The following SLC8A1 variants were observed in gnomAD, a reference collection of about 807,000 sequenced individuals.
The protein encoded by SLC8A1 is sodium/calcium exchanger 1.
A neutral mutation model predicts 68.3 loss-of-function variants in SLC8A1; 18 were observed. The ratio of observed to expected loss-of-function variants is 0.26; its 90% confidence interval spans 0.18 to 0.39. The LOEUF (loss-of-function observed/expected upper bound fraction) is 0.39. Among genes scored for constraint, SLC8A1 ranks in the 10% least tolerant of loss-of-function variants. The pLI, the probability that SLC8A1 is intolerant of heterozygous loss-of-function variation, is 1.00. For missense variants in SLC8A1, 985 were observed against 1,156.7 expected (o/e 0.85, Z 2.15); for synonymous variants, 475 against 415.5 (o/e 1.14, Z -1.74).
At chr2:40,175,369 G>A (rs1161255532) in intron 3 of SLC8A1, 88 bp from the exon 4 acceptor site, 42 of 1,358,726 alleles carry the variant, frequency 3.1e-5, no homozygotes, top group Non-Finnish European at 3.6e-5. Flanking sequence ...AAGAAATCCA[G>A]GCAGATCTGA....
intron 1 of SLC8A1, among the ~76,000 whole-genome samples, chr2:40,434,909 G>A (rs1030689825): frequency 1.3e-5 from 2 of 152,122 alleles, no homozygotes; most frequent in Non-Finnish European, 2.9e-5. Flanking sequence ...ACATCTACAA[G>A]AGATAGATCC....
chr2:40,320,284 T>C (rs2287051), intron 2 of SLC8A1, among the ~76,000 whole-genome samples: 38,995 of 152,036 alleles, frequency 0.26, 5,167 homozygotes, highest in East Asian at 0.38. Context: ...CATCCGATGT[T>C]TTCATTAAAA....
chr2:40,416,570 T>C (rs1559593683), intron 2 of SLC8A1, among the ~76,000 whole-genome samples: 1 of 152,158 alleles, frequency 6.6e-6, no homozygotes, highest in Non-Finnish European at 1.5e-5. Context: ...ATTTTTGAGA[T>C]GGAAGAAAAC....
chr2:40,349,455 C>T (rs1264903643), intron 2 of SLC8A1, among the ~76,000 whole-genome samples: 1 of 152,138 alleles, frequency 6.6e-6, no homozygotes, highest in East Asian at 1.9e-4. Flanking sequence ...TTCTAGTTAC[C>T]AGTGAAGTCA....
chr2:40,257,187 T>G (rs1368908094), intron 2 of SLC8A1, among the ~76,000 whole-genome samples: 1 of 152,178 alleles, frequency 6.6e-6, no homozygotes, highest in Non-Finnish European at 1.5e-5. Context: ...GAAAATCATT[T>G]TCAGATCTTA....
intron 2 of SLC8A1, among the ~76,000 whole-genome samples, chr2:40,418,033 C>T (rs1372106988): frequency 1.3e-5 from 2 of 151,906 alleles, no homozygotes; most frequent in Admixed American, 6.6e-5. Context: ...AAAACCAGGT[C>T]GATTTAAAAG....
intron 2 of SLC8A1, among the ~76,000 whole-genome samples, chr2:40,282,629 G>A (rs960809833): frequency 2.0e-5 from 3 of 152,156 alleles, no homozygotes; most frequent in African/African-American, 7.2e-5. Context: ...ACGCTCCTTT[G>A]CTCCGTTTAG....
chr2:40,269,134 A>G (rs1183745507), intron 2 of SLC8A1, among the ~76,000 whole-genome samples: 1 of 152,072 alleles, frequency 6.6e-6, no homozygotes, highest in Non-Finnish European at 1.5e-5. Context: ...CCAGAACTCA[A>G]CTCTATTATA....
intron 2 of SLC8A1, among the ~76,000 whole-genome samples, chr2:40,420,805 T>G (rs1187662100): frequency 6.6e-6 from 1 of 152,120 alleles, no homozygotes; most frequent in African/African-American, 2.4e-5. Flanking sequence ...CCTCCTTGTG[T>G]ATGAAAGCCA....
intron 7 of SLC8A1, among the ~76,000 whole-genome samples, chr2:40,117,575 A>T (rs925452649): frequency 3.9e-5 from 6 of 151,908 alleles, no homozygotes; most frequent in Non-Finnish European, 8.8e-5. Flanking sequence ...AAAAAAAAAA[A>T]AAAAATCAAA....
chr2:40,118,572 A>C (rs2036027849), intron 7 of SLC8A1: 1 of 150,852 alleles, frequency 6.6e-6, no homozygotes, highest in Non-Finnish European at 1.5e-5. Flanking sequence ...AGTTAATAGA[A>C]ACAGGGCAGC....
intron 2 of SLC8A1, among the ~76,000 whole-genome samples, chr2:40,341,298 A>G (rs1667617950): frequency 6.6e-6 from 1 of 152,190 alleles, no homozygotes; most frequent in African/African-American, 2.4e-5. Flanking sequence ...TCAAATTTGG[A>G]TAAGTAAGTA....
chr2:40,365,209 T>C (rs901746087), intron 2 of SLC8A1, among the ~76,000 whole-genome samples: 4 of 151,448 alleles, frequency 2.6e-5, no homozygotes, highest in South Asian at 2.1e-4. Flanking sequence ...ATTTTACATA[T>C]GACTAAACCA....
chr2:40,315,185 G>T (rs542455582), intron 2 of SLC8A1, among the ~76,000 whole-genome samples: 67 of 151,804 alleles, frequency 4.4e-4, no homozygotes, highest in African/African-American at 1.6e-3. Flanking sequence ...ATTTCTGAGG[G>T]TTCTTAACAT....
intron 1 of SLC8A1, among the ~76,000 whole-genome samples, chr2:40,432,432 A>AGTGTGT (rs1698548572): frequency 5.2e-5 from 3 of 57,826 alleles, no homozygotes; most frequent in East Asian, 4.2e-4. Context: ...TGTATGTGTC[A>AGTGTGT]GTGTGTATAC....
At chr2:40,319,311 A>G (rs1286904838) in intron 2 of SLC8A1, among the ~76,000 whole-genome samples, 1 of 152,006 alleles carries the variant, frequency 6.6e-6, no homozygotes, top group Non-Finnish European at 1.5e-5. Context: ...GACTCTCTTT[A>G]ATTTTGCTTT....
chr2:40,160,357 G>A (rs1365990936), intron 6 of SLC8A1, among the ~76,000 whole-genome samples: 2 of 152,156 alleles, frequency 1.3e-5, no homozygotes, highest in Non-Finnish European at 2.9e-5. Flanking sequence ...TGATGCAGAT[G>A]GTTGTGGTCA....
chr2:40,253,295 T>C (rs1386398554), intron 2 of SLC8A1, among the ~76,000 whole-genome samples: 2 of 144,444 alleles, frequency 1.4e-5, no homozygotes, highest in Non-Finnish European at 3.0e-5. Flanking sequence ...TATGTGTATA[T>C]ACACATATAT....
chr2:40,135,923 G>T (rs2040417823), intron 7 of SLC8A1, among the ~76,000 whole-genome samples: 2 of 152,156 alleles, frequency 1.3e-5, no homozygotes, highest in African/African-American at 2.4e-5. Flanking sequence ...ATTCTGAGCT[G>T]CAAATTACAT....
Sources: gnomAD v4.1 joint callset for allele counts (sites outside exome capture counted in the v4.1 genomes callset) on GRCh38, gnomAD v4.1.1 for gene constraint, MANE v1.5 for transcripts, NCBI Gene and HGNC (gene_info 2026-07-23, HGNC 2026-07-21) for gene names.